Variants in IL20RB observed in about 807,000 individuals in gnomAD.
The protein encoded by IL20RB is interleukin 20 receptor subunit beta.
Under a neutral mutation model 33.3 loss-of-function variants are expected in IL20RB, and 21 were observed. The observed-to-expected ratio is 0.63, with a 90% CI of 0.45 to 0.91. The LOEUF is 0.91. Ranked by LOEUF, IL20RB falls within the 40% of genes least tolerant of loss-of-function variation. IL20RB has a pLI of 0.00. For synonymous variants in IL20RB, 147 were observed against 146.8 expected, an observed-to-expected ratio of 1.00 and a Z score of -0.01; for missense variants, 345 against 384.8, an observed-to-expected ratio of 0.90 and a Z score of 0.86.
chr3:136,987,022 G>T (rs1457700414), intron 3 of IL20RB, among the ~76,000 whole-genome samples: 2 of 152,168 alleles, frequency 1.3e-5, no homozygotes, highest in Non-Finnish European at 2.9e-5. Flanking sequence ...TTCGCGGTGA[G>T]TGTTACAGCT....
chr3:136,960,582 T>G (rs1941192107), intron 1 of IL20RB, among the ~76,000 whole-genome samples: 1 of 152,236 alleles, frequency 6.6e-6, no homozygotes, highest in Admixed American at 6.5e-5. Context: ...GTACACATTG[T>G]GCCTTCAGTT....
chr3:136,971,745 A>G (rs1028007456), intron 1 of IL20RB, among the ~76,000 whole-genome samples: 2 of 152,160 alleles, frequency 1.3e-5, no homozygotes, highest in Non-Finnish European at 2.9e-5. Flanking sequence ...ACTGATGGAC[A>G]CTTAGGTTGA....
intron 3 of IL20RB, among the ~76,000 whole-genome samples, chr3:136,984,990 C>T (rs1466856702): frequency 6.6e-6 from 1 of 152,162 alleles, no homozygotes; most frequent in African/African-American, 2.4e-5. Flanking sequence ...GGGCTGGCAG[C>T]TGTTGCTGGA....
chr3:136,986,340 A>G (rs1192275402), intron 3 of IL20RB, among the ~76,000 whole-genome samples: 1 of 152,212 alleles, frequency 6.6e-6, no homozygotes, highest in Admixed American at 6.5e-5. Flanking sequence ...CATAGGACAG[A>G]GGTTCCTGCC....
intron 1 of IL20RB, among the ~76,000 whole-genome samples, chr3:136,960,306 C>T (rs1941183700): frequency 6.6e-6 from 1 of 151,970 alleles, no homozygotes; most frequent in Non-Finnish European, 1.5e-5. Flanking sequence ...CGCCACCACG[C>T]CCAGCTAATT....
chr3:136,986,439 C>G (rs1162403444), intron 3 of IL20RB, among the ~76,000 whole-genome samples: 1 of 151,960 alleles, frequency 6.6e-6, no homozygotes, highest in East Asian at 1.9e-4. Flanking sequence ...ATCAGAAGAC[C>G]CAATTCTGAT....
chr3:136,978,577 A>G (rs1941686267), intron 1 of IL20RB, among the ~76,000 whole-genome samples: 1 of 152,184 alleles, frequency 6.6e-6, no homozygotes, highest in Admixed American at 6.5e-5. Context: ...GGTAAATTAC[A>G]TTAACTGATT....
At chr3:137,005,568 T>C (rs113986635) in intron 6 of IL20RB, among the ~76,000 whole-genome samples, 14 of 152,342 alleles carry the variant, frequency 9.2e-5, no homozygotes, top group African/African-American at 3.1e-4. Context: ...GTCTGTTTTA[T>C]CAGAGACTAG....
chr3:136,962,360 G>A (rs1028847715), intron 1 of IL20RB, among the ~76,000 whole-genome samples: 3 of 152,144 alleles, frequency 2.0e-5, no homozygotes, highest in African/African-American at 7.2e-5. Context: ...CCCTGTGAGT[G>A]TCTGGAAAAA....
intron 6 of IL20RB, among the ~76,000 whole-genome samples, chr3:137,006,894 C>T (rs1288963181): frequency 1.3e-5 from 2 of 152,208 alleles, no homozygotes; most frequent in Non-Finnish European, 2.9e-5. Flanking sequence ...TGGTTTCTCC[C>T]CATCTTTGTG....
chr3:137,001,787 A>G (rs1357532856), intron 6 of IL20RB, among the ~76,000 whole-genome samples: 1 of 152,066 alleles, frequency 6.6e-6, no homozygotes, highest in East Asian at 1.9e-4. Flanking sequence ...TATTATTATT[A>G]TTATTATACT....
chr3:136,975,395 G>A (rs1941590103), intron 1 of IL20RB, among the ~76,000 whole-genome samples: 1 of 152,100 alleles, frequency 6.6e-6, no homozygotes, highest in Admixed American at 6.6e-5. Context: ...CTGAAGTGCA[G>A]TGGTGCAATC....
At chr3:137,004,225 T>C (rs1182619812) in intron 6 of IL20RB, among the ~76,000 whole-genome samples, 1 of 152,200 alleles carries the variant, frequency 6.6e-6, no homozygotes, top group African/African-American at 2.4e-5. Context: ...AAAATTCTCT[T>C]TTTTGTGTGT....
chr3:136,988,836 T>G (rs1016432108), intron 3 of IL20RB, among the ~76,000 whole-genome samples: 5 of 152,290 alleles, frequency 3.3e-5, no homozygotes, highest in African/African-American at 1.2e-4. Flanking sequence ...CACAGGCTGC[T>G]CATCTGCTGA....
At chr3:136,990,525 G>C (rs1052027380) in intron 4 of IL20RB, among the ~76,000 whole-genome samples, 10 of 152,084 alleles carry the variant, frequency 6.6e-5, no homozygotes, top group Non-Finnish European at 1.3e-4. Context: ...TCTCAGGCCT[G>C]ACTTCTCCTC....
chr3:136,981,930 A>G lies in IL20RB; in HGVS notation c.216-230A>G, dbSNP rs542495765. Reference sequence around the variant, plus strand: ...GATGACCCTGGAGATGAAGAGATAAAAGAGATCCAGACACATTGATGTTTA... The same window carrying G: ...GATGACCCTGGAGATGAAGAGATAAGAGAGATCCAGACACATTGATGTTTA... On this transcript the variant is annotated intron_variant, in intron 2 of 6. Transcript: ENST00000329582. 4 of 336,288 alleles carry G rather than the reference A, an allele frequency of 1.2e-5. No individual in the cohort carries two copies. The East Asian group carries it at 1.4e-4, about 12-fold the overall frequency. 20.8% of individuals were successfully genotyped at this position (336,288 alleles called of 1,614,324 possible).
intron 6 of IL20RB, among the ~76,000 whole-genome samples, chr3:137,003,192 G>A (rs1469843969): frequency 6.6e-6 from 1 of 152,176 alleles, no homozygotes; most frequent in Non-Finnish European, 1.5e-5. Context: ...ACAGTTTGAA[G>A]TCAGATAGTG....
At chr3:136,981,368 A>C (rs1941771030) in intron 2 of IL20RB, among the ~76,000 whole-genome samples, 1 of 152,214 alleles carries the variant, frequency 6.6e-6, no homozygotes, top group Non-Finnish European at 1.5e-5. Flanking sequence ...AGTGGTTACC[A>C]TATTGAACAA....
rs572555050 is a variant in IL20RB at position 136,977,573 on chromosome 3, T to G, written c.89-2893T>G. On this transcript the variant is annotated intron_variant, in intron 1 of 6. Transcript: ENST00000329582. ...TGGAGTCTTGCTCTGTTGCCCAGGC[T>G]GGAGTGCGGTGGTGCAATCTCAACT... Among the ~76,000 whole-genome samples the G allele has an allele frequency of 2.0e-5, 3 of 152,348 alleles. No individual in the cohort carries two copies. The South Asian group carries it at 6.2e-4, about 32-fold the overall frequency.
Sources: allele counts gnomAD v4.1 joint callset (sites outside exome capture counted in the v4.1 genomes callset), GRCh38; gene constraint gnomAD v4.1.1; transcripts MANE v1.5; gene names NCBI Gene and HGNC (gene_info 2026-07-23, HGNC 2026-07-21).